The following GOLM2 variants were observed in gnomAD, a reference collection of about 807,000 sequenced individuals.
GOLM2 encodes protein GOLM2.
GOLM2 carries 26 observed loss-of-function variants against 55.9 expected under a neutral mutation model. That is an observed-to-expected ratio of 0.47 (90% CI 0.34 to 0.65). The LOEUF (loss-of-function observed/expected upper bound fraction) is 0.65, where lower values mean the gene tolerates loss of function less well. Ranked by LOEUF, GOLM2 falls within the 30% of genes least tolerant of loss-of-function variation. GOLM2 has a pLI of 0.01. For synonymous variants in GOLM2, 165 were observed against 194.6 expected (o/e 0.85, Z 1.27); for missense variants, 486 against 531.8 (o/e 0.91, Z 0.85).
chr15:44,402,800 C>A, intron 8 of GOLM2, 87 bp from the exon 9 acceptor site: 1 of 1,380,616 alleles, frequency 7.2e-7, no homozygotes, highest in Non-Finnish European at 1.0e-6. Context: ...CCAGCTTTCA[C>A]TTGTTTACTT....
chr15:44,394,716 T>A (rs531087852), intron 8 of GOLM2, among the ~76,000 whole-genome samples: 12 of 152,344 alleles, frequency 7.9e-5, no homozygotes, highest in Admixed American at 6.5e-4. Context: ...CCACCTCTCA[T>A]GATTATAACT....
chr15:44,339,912 C>T (rs1305510030), intron 6 of GOLM2, among the ~76,000 whole-genome samples: 4 of 152,020 alleles, frequency 2.6e-5, no homozygotes, highest in South Asian at 2.1e-4. Flanking sequence ...CTCGATCTCC[C>T]GGGCATAAGC....
At chr15:44,310,997 A>G (rs1254220826) in intron 1 of GOLM2, among the ~76,000 whole-genome samples, 3 of 152,202 alleles carry the variant, frequency 2.0e-5, no homozygotes, top group Admixed American at 1.3e-4. Context: ...AGCCTGGGCG[A>G]CAGAGTGAGA....
At chr15:44,308,252 AT>A (rs2078852042) in intron 1 of GOLM2, 1 of 152,086 alleles carries the variant, frequency 6.6e-6, no homozygotes. Context: ...GGTAACCTCT[AT>A]TCTAGTTTCT....
chr15:44,402,472 G>T (rs755393866), intron 8 of GOLM2, among the ~76,000 whole-genome samples: 1 of 151,994 alleles, frequency 6.6e-6, no homozygotes, highest in Admixed American at 6.6e-5. Context: ...GATTACAAGT[G>T]TGGGCCACTG....
rs1255833505 is a variant in GOLM2 at position 44,326,690 on chromosome 15, T to C, written c.383-1995T>C. Among the ~76,000 whole-genome samples, 3 of 150,800 alleles carry C rather than the reference T, an allele frequency of 2.0e-5. No homozygotes were observed. In the South Asian group the frequency reaches 6.3e-4, roughly 32 times the overall value. On this transcript the variant is annotated intron_variant, in intron 2 of 9. Transcript: ENST00000299957. The stretch of plus-strand genomic sequence containing the variant: ...TTTTTGAGACGGATTCTCGCTCTGT[T>C]GTCCAGGCTGGAGTGCAGTGGCATG...
intron 9 of GOLM2, among the ~76,000 whole-genome samples, chr15:44,405,081 T>A (rs1432750306): frequency 1.3e-5 from 2 of 152,228 alleles, no homozygotes; most frequent in East Asian, 1.9e-4. Flanking sequence ...CTATTGTAAG[T>A]AGATTTATTT....
intron 1 of GOLM2, among the ~76,000 whole-genome samples, chr15:44,317,521 T>C (rs76605135): frequency 0.017 from 2,518 of 152,288 alleles, 39 homozygotes; most frequent in Non-Finnish European, 0.024. Flanking sequence ...TACAGGCTAA[T>C]TGGAAGTTAT....
In GOLM2 at chr15:44,358,370, TAA is replaced by T. The variant is rs544589142; in HGVS notation, c.802+20055_802+20056del. On this transcript the variant is annotated intron_variant, in intron 6 of 9. Transcript: ENST00000299957. ...TCTGTCTCAAAGAAACAAAACAAAA[TAA>T]AGTTTATATAGAGAAGCAAAACATT... is the stretch of plus-strand genomic sequence containing the variant. Among the ~76,000 whole-genome samples the T allele has an allele frequency of 1.7e-3, 255 of 151,990 alleles. 1 individual carries two copies. Among genetic ancestry groups the T allele is most frequent in the African/African-American group, 6.0e-3 (247 of 41,448 alleles).
chr15:44,363,916 A>C (rs376192058), intron 6 of GOLM2, among the ~76,000 whole-genome samples: 6 of 152,226 alleles, frequency 3.9e-5, no homozygotes, highest in East Asian at 1.9e-4. Flanking sequence ...AACTGGAAAT[A>C]ATCATTCTCA....
At chr15:44,340,243 G>A (rs12593943) in intron 6 of GOLM2, among the ~76,000 whole-genome samples, 7,144 of 152,066 alleles carry the variant, frequency 0.047, 274 homozygotes, top group East Asian at 0.2. Flanking sequence ...ACTGCACCCA[G>A]CCAAAAAATA....
chr15:44,295,936 A>ACACACACACACACG (rs2078753498), intron 1 of GOLM2, among the ~76,000 whole-genome samples: 2 of 152,030 alleles, frequency 1.3e-5, no homozygotes, highest in African/African-American at 4.8e-5. Context: ...ACACACACAC[A>ACACACACACACACG]CACACACACA....
intron 4 of GOLM2, among the ~76,000 whole-genome samples, chr15:44,333,406 A>G (rs2079035382): frequency 6.6e-6 from 1 of 152,194 alleles, no homozygotes; most frequent in Admixed American, 6.5e-5. Flanking sequence ...TAGCTTTTTC[A>G]CAATTTTATA....
chr15:44,361,842 G>A (rs200022694), intron 6 of GOLM2, among the ~76,000 whole-genome samples: 1,799 of 152,088 alleles, frequency 0.012, 41 homozygotes, highest in African/African-American at 0.041. Flanking sequence ...AAGCTTATCC[G>A]CCATGATCAA....
intron 6 of GOLM2, among the ~76,000 whole-genome samples, chr15:44,338,933 T>C (rs1047064713): frequency 6.6e-6 from 1 of 152,170 alleles, no homozygotes; most frequent in South Asian, 2.1e-4. Flanking sequence ...TTTTCCTTCA[T>C]GTCTCTTCTT....
At chr15:44,328,846 C>T in intron 3 of GOLM2, 59 bp downstream of exon 3, 1 of 1,131,600 alleles carries the variant, frequency 8.8e-7, no homozygotes, top group Non-Finnish European at 1.2e-6. Context: ...AGCTTTTGGA[C>T]TCAGTTCATT....
chr15:44,373,398 A>G (rs768830956), intron 6 of GOLM2, among the ~76,000 whole-genome samples: 3 of 150,650 alleles, frequency 2.0e-5, no homozygotes, highest in Non-Finnish European at 2.9e-5. Flanking sequence ...CGGAGCTTGC[A>G]GTGAGCCGAG....
At chr15:44,322,936 A>T (rs757631068) in intron 1 of GOLM2, 29 bp from the exon 2 acceptor site, 2 of 1,477,864 alleles carry the variant, frequency 1.4e-6, no homozygotes, top group Non-Finnish European at 1.8e-6. Flanking sequence ...CATATTTTTT[A>T]GTAAAATGAG....
chr15:44,374,416 AG>A (rs1486091707), intron 6 of GOLM2, among the ~76,000 whole-genome samples: 6 of 152,124 alleles, frequency 3.9e-5, no homozygotes, highest in African/African-American at 1.4e-4. Flanking sequence ...TCCAAGGTCA[AG>A]GTGGGAGGAT....
Sources: allele counts gnomAD v4.1 joint callset (sites outside exome capture counted in the v4.1 genomes callset), GRCh38; gene constraint gnomAD v4.1.1; transcripts MANE v1.5; gene names NCBI Gene and HGNC (gene_info 2026-07-23, HGNC 2026-07-21).